FAM161B: variants seen among roughly 807,000 people sequenced by gnomAD.
FAM161B encodes the protein FAM161 centrosomal protein B, also known as protein FAM161B.
In FAM161B, 46 loss-of-function variants were observed where a neutral mutation model predicts 61.5. That is an observed-to-expected ratio of 0.75 (90% CI 0.59 to 0.96). FAM161B has a LOEUF of 0.96. Ranked by LOEUF, FAM161B falls within the 40% of genes least tolerant of loss-of-function variation. The pLI is 0.00. For synonymous variants in FAM161B, 284 were observed against 302.7 expected (o/e 0.94, Z 0.64); for missense variants, 774 against 800.7 (o/e 0.97, Z 0.40).
chr14:73,931,556 T>C, downstream of FAM161B: 2 of 1,610,814 alleles, frequency 1.2e-6, no homozygotes, highest in Admixed American at 1.7e-5. Flanking sequence ...GGGTGCTGAC[T>C]CCTGGAAGAG....
chr14:73,943,664 C>T (rs1444985061), intron 3 of FAM161B, among the ~76,000 whole-genome samples: 2 of 152,236 alleles, frequency 1.3e-5, no homozygotes, highest in African/African-American at 4.8e-5. Flanking sequence ...CCTTCCCTAA[C>T]TGCTCCCTTG....
chr14:73,938,315 T>C (rs189153186), intron 5 of FAM161B, among the ~76,000 whole-genome samples: 402 of 151,978 alleles, frequency 2.6e-3, no homozygotes, highest in Non-Finnish European at 4.5e-3. Flanking sequence ...AAAAATTAGC[T>C]GGGCATGGTG....
Position 73,942,368 on chromosome 14 carries a change from C to A in FAM161B, c.1272+1G>T. The A allele has an allele frequency of 6.2e-7, 1 of 1,613,182 alleles. No individual in the cohort carries two copies. The highest frequency in any genetic ancestry group is 8.5e-7 in the Non-Finnish European group (1 of 1,179,528). Reference sequence around the variant, plus strand: ...CCTCCCACAGCTGCCTGGGCTCTCACCTGCCTCCTTCCGGTGGTGGCAGCA... The same window carrying A: ...CCTCCCACAGCTGCCTGGGCTCTCAACTGCCTCCTTCCGGTGGTGGCAGCA... On this transcript the variant is annotated splice_donor_variant, in intron 4 of 8. Coordinates refer to ENST00000286544, the MANE Select transcript of FAM161B (RefSeq NM_152445.3). LOFTEE classifies it high-confidence loss of function.
chr14:73,937,782 T>G, intron 6 of FAM161B, 81 bp from the exon 7 acceptor site: 1 of 1,539,478 alleles, frequency 6.5e-7, no homozygotes, highest in Non-Finnish European at 8.9e-7. Context: ...GCAGTGTAAC[T>G]CTCGTGTACA....
chr14:73,942,197 C>CA (rs2056024679), intron 4 of FAM161B, among the ~76,000 whole-genome samples, 172 bp downstream of exon 4: 4 of 152,148 alleles, frequency 2.6e-5, no homozygotes, highest in Admixed American at 2.0e-4. Context: ...CTCTGTTGCC[C>CA]AGGCTGGGCT....
chr14:73,939,578 C>A (rs780392364), intron 5 of FAM161B, among the ~76,000 whole-genome samples: 3 of 152,176 alleles, frequency 2.0e-5, no homozygotes, highest in Non-Finnish European at 2.9e-5. Context: ...CCTCTGACTC[C>A]GAAGCCTCTG....
the FAM161B span, among the ~76,000 whole-genome samples, chr14:73,925,704 AG>A: frequency 1.3e-5 from 2 of 151,878 alleles, no homozygotes; most frequent in African/African-American, 4.8e-5. Flanking sequence ...CTGGGATTAC[AG>A]GTGTGAGCTG....
chr14:73,938,494 C>T lies in FAM161B; in HGVS notation c.1401-382G>A, dbSNP rs546450340. ...TAATAATAAAATAAAATAAAATAGC[C>T]GGGCATGGTGGCTCATGCCTGTAAT... On this transcript the variant is annotated intron_variant, in intron 5 of 8. Coordinates refer to ENST00000286544, the MANE Select transcript of FAM161B (RefSeq NM_152445.3). 1.3e-4 allele frequency among the ~76,000 whole-genome samples: 19 copies of T among 149,478 alleles called. No homozygotes were observed. The South Asian group carries it at 2.8e-3, about 22-fold the overall frequency.
rs1172322881 is a variant in FAM161B at position 73,932,548 on chromosome 14, G to A, written c.*1708C>T. 2.3e-6 allele frequency: 1 copy of A among 440,786 alleles called. No homozygotes were observed. The highest frequency in any genetic ancestry group is 4.5e-6 in the Non-Finnish European group (1 of 222,382). 27.3% of individuals were successfully genotyped at this position (440,786 alleles called of 1,614,324 possible). A position where few individuals can be genotyped will look rare whatever the true frequency, so the allele number is the denominator to read the frequency against. On this transcript the variant is annotated 3_prime_UTR_variant, in exon 9 of 9. Coordinates refer to ENST00000286544, the MANE Select transcript of FAM161B (RefSeq NM_152445.3). Reference sequence around the variant, plus strand: ...AAAGATAGTTTTTTTAAAAAAGCTTGAGAAAGGTGCTTTAGTTAGAGCAGG... The same window carrying A: ...AAAGATAGTTTTTTTAAAAAAGCTTAAGAAAGGTGCTTTAGTTAGAGCAGG...
chr14:73,922,833 A>C, the FAM161B span: 3 of 152,322 alleles, frequency 2.0e-5, no homozygotes, highest in Non-Finnish European at 4.4e-5. Flanking sequence ...CATTGAGTAC[A>C]TAAAAGATAG....
rs144669313 is a variant in FAM161B, at chr14:73,934,271, G to A, written c.1929C>T (p.Leu643=). 951 of 1,612,260 alleles carry A rather than the reference G, an allele frequency of 5.9e-4. 7 individuals carry two copies. In the African/African-American group the frequency reaches 0.011, roughly 19 times the overall value. The change falls in exon 9 of 9, where the codon CTC becomes CTT. Residue 643 remains leucine, a synonymous_variant. Coordinates refer to ENST00000286544, the MANE Select transcript of FAM161B (RefSeq NM_152445.3). ...EELSHQSPEN[L]VSLA The stretch of plus-strand genomic sequence containing the variant: ...AGTGTAGTGATTAAGCAAGTGATAC[G>A]AGATTTTCTGGTGACTGATGAGACA...
chr14:73,937,002 C>T (rs979414994), intron 7 of FAM161B, among the ~76,000 whole-genome samples: 1 of 152,118 alleles, frequency 6.6e-6, no homozygotes, highest in Admixed American at 6.6e-5. Context: ...GATACTCTTC[C>T]AGGATACTTC....
rs763749061 is a variant in FAM161B, at chr14:73,944,324, G to T, written c.925+11C>A. 6.4e-7 allele frequency: 1 copy of T among 1,559,292 alleles called. No homozygotes were observed. Among genetic ancestry groups the T allele is most frequent in the Non-Finnish European group, 8.7e-7 (1 of 1,149,084 alleles). ...AGGCAGGAGGCAGCAAGGTGGCAAG[G>T]ATGTCTTTACCCTGGAGTTTATCCC... On this transcript the variant is annotated intron_variant, in intron 3 of 8. Transcript: ENST00000286544.
At chr14:73,939,693 C>T (rs1240713528) in intron 5 of FAM161B, among the ~76,000 whole-genome samples, 1 of 152,214 alleles carries the variant, frequency 6.6e-6, no homozygotes, top group African/African-American at 2.4e-5. Context: ...ATGAGCCTCC[C>T]TCAGTGCAGA....
Position 73,944,890 on chromosome 14 carries a change from G to A in FAM161B, c.375-5C>T, listed in dbSNP as rs952898802. ...CAGCGCCTTGTGGAGCCACACCTGG[G>A]AAAAAAGCAGATCTGTGAGTGGAGG... is the stretch of plus-strand genomic sequence containing the variant. On this transcript the variant is annotated splice_region_variant and splice_polypyrimidine_tract_variant and intron_variant, in intron 2 of 8. Coordinates refer to ENST00000286544, the MANE Select transcript of FAM161B (RefSeq NM_152445.3). The A allele has an allele frequency of 6.6e-7, 1 of 1,506,094 alleles. No homozygotes were observed. The highest frequency in any genetic ancestry group is 8.8e-7 in the Non-Finnish European group (1 of 1,130,452). 93.3% of individuals were successfully genotyped at this position (1,506,094 alleles called of 1,614,324 possible).
At chr14:73,931,677 C>T (rs2055918209), downstream of FAM161B, 1 of 751,300 alleles carries the variant, frequency 1.3e-6, no homozygotes, top group African/African-American at 1.8e-5. Context: ...CACTCTTCCT[C>T]TTTCCTGGTA....
intron 7 of FAM161B, 23 bp downstream of exon 7, chr14:73,937,579 A>C (rs764110933): frequency 6.3e-7 from 1 of 1,597,718 alleles, no homozygotes; most frequent in South Asian, 1.1e-5. Context: ...GCAGAAAGAA[A>C]ACAAATGATG....
chr14:73,938,628 C>T (rs941312878), intron 5 of FAM161B, among the ~76,000 whole-genome samples: 3 of 150,164 alleles, frequency 2.0e-5, no homozygotes, highest in East Asian at 2.0e-4. Context: ...AAAAATTAGC[C>T]GGGTGCGGTG....
chr14:73,924,867 C>T, the FAM161B span: 1 of 332,614 alleles, frequency 3.0e-6, no homozygotes, highest in East Asian at 9.4e-5. Context: ...TTAGTAGAGA[C>T]AGGGTTTCAC....
Sources: allele counts gnomAD v4.1 joint callset (sites outside exome capture counted in the v4.1 genomes callset), GRCh38; gene constraint gnomAD v4.1.1; transcripts MANE v1.5; gene names NCBI Gene and HGNC (gene_info 2026-07-23, HGNC 2026-07-21).